Variants in WDPCP observed in about 807,000 individuals in gnomAD.
WDPCP encodes the protein WD repeat-containing and planar cell polarity effector protein fritz homolog.
In WDPCP, 71 loss-of-function variants were observed where a neutral mutation model predicts 93.1. The observed-to-expected ratio is 0.76, with a 90% CI of 0.63 to 0.93. The LOEUF (loss-of-function observed/expected upper bound fraction) is 0.93, where lower values mean the gene tolerates loss of function less well. Ranked by LOEUF, WDPCP falls within the 40% of genes least tolerant of loss-of-function variation. WDPCP has a pLI of 0.00. For synonymous variants in WDPCP, 315 were observed against 315.0 expected (o/e 1.00, Z 0.00); for missense variants, 844 against 887.4 (o/e 0.95, Z 0.62).
intron 2 of WDPCP, among the ~76,000 whole-genome samples, chr2:63,791,792 T>C (rs1558911635): frequency 6.6e-6 from 1 of 152,192 alleles, no homozygotes; most frequent in African/African-American, 2.4e-5. Flanking sequence ...GCTCTGTCAC[T>C]TAATTTTAGA....
rs529444328 is a variant in WDPCP, at chr2:63,452,702, G to A, written c.385-12831C>T. On this transcript the variant is annotated intron_variant, in intron 6 of 17. Coordinates refer to ENST00000272321, the MANE Select transcript of WDPCP (RefSeq NM_015910.7). ...ACCTGACTTCAAACTATACTACAAG[G>A]CTACAGTAACCAAAACAGTATGGTA... Among the ~76,000 whole-genome samples, 11 of 152,238 alleles carry A rather than the reference G, an allele frequency of 7.2e-5. No individual in the cohort carries two copies. The South Asian group carries it at 2.1e-3, about 29-fold the overall frequency.
chr2:63,808,873 C>G (rs11885702), intron 2 of WDPCP, among the ~76,000 whole-genome samples: 15,171 of 151,882 alleles, frequency 0.1, 1,248 homozygotes, highest in African/African-American at 0.23. Context: ...CTCTGCCCGG[C>G]CGCCATCCCA....
intron 14 of WDPCP, chr2:63,228,772 T>G (rs1006233552): frequency 3.3e-5 from 5 of 152,178 alleles, no homozygotes; most frequent in Non-Finnish European, 7.3e-5. Flanking sequence ...TCATCCTTTT[T>G]TATGGCTGCA....
chr2:63,604,860 A>G (rs757555452), intron 3 of WDPCP: 1 of 1,614,114 alleles, frequency 6.2e-7, no homozygotes. Context: ...GGCTCAAGGG[A>G]GAATTTGTCA....
chr2:63,533,277 A>C (rs1704003689), intron 1 of WDPCP, among the ~76,000 whole-genome samples: 1 of 152,182 alleles, frequency 6.6e-6, no homozygotes, highest in African/African-American at 2.4e-5. Flanking sequence ...TGAACACCTC[A>C]CCATCAATAT....
chr2:63,496,229 C>T (rs1482799614), intron 1 of WDPCP, among the ~76,000 whole-genome samples: 1 of 152,032 alleles, frequency 6.6e-6, no homozygotes, highest in East Asian at 1.9e-4. Context: ...AAGACTGCAC[C>T]TTTACTTACA....
intron 14 of WDPCP, among the ~76,000 whole-genome samples, chr2:63,179,846 C>G (rs1453990128): frequency 6.6e-6 from 1 of 152,130 alleles, no homozygotes; most frequent in African/African-American, 2.4e-5. Context: ...TGTCATTTCA[C>G]TGTAATCAGA....
chr2:63,134,944 G>A (rs771198117), intron 17 of WDPCP, among the ~76,000 whole-genome samples: 57 of 152,098 alleles, frequency 3.7e-4, no homozygotes, highest in Admixed American at 6.5e-4. Flanking sequence ...GCAACAAGGT[G>A]AAACCCTGTC....
intron 15 of WDPCP, among the ~76,000 whole-genome samples, chr2:63,162,668 AG>A (rs1467894790): frequency 6.6e-6 from 1 of 152,156 alleles, no homozygotes; most frequent in African/African-American, 2.4e-5. Flanking sequence ...TCATAACTAC[AG>A]GGTCTCAGAT....
At chr2:63,285,549 G>A (rs906464924) in intron 13 of WDPCP, among the ~76,000 whole-genome samples, 3 of 151,710 alleles carry the variant, frequency 2.0e-5, no homozygotes, top group South Asian at 2.1e-4. Flanking sequence ...ACAAAGATAG[G>A]TAGAAATAAT....
At chr2:63,594,303 G>A in intron 3 of WDPCP, 1 of 704,036 alleles carries the variant, frequency 1.4e-6, no homozygotes, top group South Asian at 1.4e-5. Flanking sequence ...TCCCTACATG[G>A]TGAGAGTTAA....
In WDPCP at chr2:63,473,251, A is replaced by C. The variant is rs538601777; in HGVS notation, c.384+11353T>G. 2.7e-4 allele frequency among the ~76,000 whole-genome samples: 41 copies of C among 152,294 alleles called. No individual in the cohort carries two copies. The Middle Eastern group carries it at 0.01, about 38-fold the overall frequency. On this transcript the variant is annotated intron_variant, in intron 6 of 17. Transcript: ENST00000272321. ...CCAGAGAAGGATCCTCTAAGCAAGT[A>C]ACATAGAGACATAAGCCTTGTTGCT...
intron 17 of WDPCP, among the ~76,000 whole-genome samples, chr2:63,134,830 A>G (rs1041601174): frequency 3.9e-5 from 6 of 152,132 alleles, no homozygotes; most frequent in African/African-American, 1.4e-4. Context: ...GTGTTTTTCA[A>G]AGCTCAAGAT....
intron 12 of WDPCP, among the ~76,000 whole-genome samples, chr2:63,331,660 T>C (rs1246925151): frequency 6.6e-6 from 1 of 152,188 alleles, no homozygotes; most frequent in East Asian, 1.9e-4. Flanking sequence ...ATGTGCTATT[T>C]TGCAGCAAAT....
At chr2:63,219,422 C>T (rs957902694) in intron 14 of WDPCP, among the ~76,000 whole-genome samples, 5 of 152,106 alleles carry the variant, frequency 3.3e-5, no homozygotes, top group African/African-American at 7.2e-5. Flanking sequence ...GTTTTGTGCC[C>T]AAAGGCTTTT....
At chr2:63,719,351 A>T (rs971132655) in intron 2 of WDPCP, among the ~76,000 whole-genome samples, 1 of 152,158 alleles carries the variant, frequency 6.6e-6, no homozygotes, top group Non-Finnish European at 1.5e-5. Context: ...CAGTAGTGAG[A>T]GGTTAAATAC....
At chr2:63,585,580 A>G (rs1395698172) in intron 1 of WDPCP, among the ~76,000 whole-genome samples, 7 of 152,174 alleles carry the variant, frequency 4.6e-5, no homozygotes, top group Admixed American at 2.6e-4. Flanking sequence ...ATCCTATGGT[A>G]AAGTACATAT....
chr2:63,313,158 C>G (rs145901305), intron 13 of WDPCP, 90 bp downstream of exon 13: 36 of 1,282,228 alleles, frequency 2.8e-5, no homozygotes, highest in Non-Finnish European at 3.9e-5. Flanking sequence ...TCTAAGGCTG[C>G]AAAATGACAG....
intron 2 of WDPCP, among the ~76,000 whole-genome samples, chr2:63,748,100 TG>T (rs1669825723): frequency 6.6e-6 from 1 of 151,928 alleles, no homozygotes; most frequent in African/African-American, 2.4e-5. Context: ...TATATTGAGT[TG>T]GTATCTGACA....
Sources: gnomAD v4.1 joint callset for allele counts (sites outside exome capture counted in the v4.1 genomes callset) on GRCh38, gnomAD v4.1.1 for gene constraint, MANE v1.5 for transcripts, NCBI Gene and HGNC (gene_info 2026-07-23, HGNC 2026-07-21) for gene names.